MEIS1: variants seen among roughly 807,000 people sequenced by gnomAD.
MEIS1 encodes the protein homeobox protein Meis1.
In MEIS1, 5 loss-of-function variants were observed where a neutral mutation model predicts 50.8. The observed-to-expected ratio is 0.10, with a 90% CI of 0.05 to 0.21. The LOEUF (loss-of-function observed/expected upper bound fraction) is 0.21. MEIS1 is among the 10% of genes least tolerant of loss of function. The probability of loss-of-function intolerance (pLI) is 1.00; values close to 1 mark genes in which losing one functional copy is unlikely to be tolerated. For synonymous variants in MEIS1, 176 were observed against 179.3 expected (o/e 0.98, Z 0.15); for missense variants, 318 against 517.3 (o/e 0.61, Z 3.74).
At chr2:66,509,800 G>C (rs1673780188) in intron 7 of MEIS1, among the ~76,000 whole-genome samples, 1 of 152,196 alleles carries the variant, frequency 6.6e-6, no homozygotes, top group South Asian at 2.1e-4. Context: ...GTAATGGGAA[G>C]CTAAGGTTGC....
intron 8 of MEIS1, among the ~76,000 whole-genome samples, chr2:66,542,304 G>A (rs1345482612): frequency 6.6e-6 from 1 of 151,852 alleles, no homozygotes; most frequent in Non-Finnish European, 1.5e-5. Context: ...TCTTTAAAGG[G>A]AGTATCTCCC....
chr2:66,569,795 T>G (rs1675439454), intron 12 of MEIS1: 1 of 152,750 alleles, frequency 6.5e-6, no homozygotes, highest in Admixed American at 6.5e-5. Flanking sequence ...ATATCCAAAT[T>G]AAGTATGCCA....
chr2:66,445,160 T>C (rs1018856344), intron 6 of MEIS1: 3 of 152,244 alleles, frequency 2.0e-5, no homozygotes, highest in African/African-American at 7.2e-5. Context: ...ATCTGACTTC[T>C]GGTCCCCGCT....
At chr2:66,440,815 G>A (rs1179467880) in intron 4 of MEIS1, 2 of 576,152 alleles carry the variant, frequency 3.5e-6, no homozygotes, top group Non-Finnish European at 3.1e-6. Context: ...GGGGCCGGGC[G>A]AGCCAGCGCG....
chr2:66,499,867 T>C (rs1042508236), intron 7 of MEIS1, among the ~76,000 whole-genome samples: 1 of 152,198 alleles, frequency 6.6e-6, no homozygotes, highest in Non-Finnish European at 1.5e-5. Context: ...CATATCTGAT[T>C]ATAACACTTA....
At chr2:66,488,824 T>A (rs1282590538) in intron 7 of MEIS1, among the ~76,000 whole-genome samples, 1 of 152,202 alleles carries the variant, frequency 6.6e-6, no homozygotes, top group Non-Finnish European at 1.5e-5. Context: ...TATTGGCTAG[T>A]GAAAATTTCA....
chr2:66,493,704 G>T (rs1307751677), intron 7 of MEIS1, among the ~76,000 whole-genome samples: 3 of 152,008 alleles, frequency 2.0e-5, no homozygotes, highest in Admixed American at 6.5e-5. Flanking sequence ...CTAACTGTCT[G>T]ACTCCACCTT....
intron 10 of MEIS1, chr2:66,567,799 T>TC (rs1675387695): frequency 3.4e-6 from 2 of 592,590 alleles, no homozygotes; most frequent in South Asian, 2.1e-5. Flanking sequence ...TTATTTTTTT[T>TC]CTGAGTTTGC....
At chr2:66,492,325 C>T (rs1228365752) in intron 7 of MEIS1, among the ~76,000 whole-genome samples, 1 of 152,034 alleles carries the variant, frequency 6.6e-6, no homozygotes, top group Non-Finnish European at 1.5e-5. Context: ...AATGTGCCTG[C>T]AGATTGTTTG....
intron 6 of MEIS1, among the ~76,000 whole-genome samples, chr2:66,455,375 T>C (rs1256547418): frequency 6.6e-6 from 1 of 152,198 alleles, no homozygotes; most frequent in Non-Finnish European, 1.5e-5. Context: ...AGGGTCACCA[T>C]GGGATGATGT....
At chr2:66,527,129 CAAGT>C (rs888203404) in intron 8 of MEIS1, among the ~76,000 whole-genome samples, 6 of 152,298 alleles carry the variant, frequency 3.9e-5, no homozygotes, top group East Asian at 1.9e-4. Flanking sequence ...AGACAGCAAG[CAAGT>C]ATCCTATTTT....
intron 7 of MEIS1, among the ~76,000 whole-genome samples, chr2:66,488,828 A>T (rs1673202872): frequency 1.3e-5 from 2 of 152,238 alleles, no homozygotes; most frequent in South Asian, 4.1e-4. Flanking sequence ...GGCTAGTGAA[A>T]ATTTCAGCAA....
intron 7 of MEIS1, among the ~76,000 whole-genome samples, 170 bp from the exon 8 acceptor site, chr2:66,511,979 C>T (rs1673842516): frequency 6.6e-6 from 1 of 152,112 alleles, no homozygotes; most frequent in Non-Finnish European, 1.5e-5. Flanking sequence ...TGAGCCTAGG[C>T]CTTGTTCTTT....
At chr2:66,487,085 T>C (rs1049446845) in intron 7 of MEIS1, among the ~76,000 whole-genome samples, 3 of 152,232 alleles carry the variant, frequency 2.0e-5, no homozygotes, top group African/African-American at 7.2e-5. Context: ...ATACCCTTTA[T>C]TTCTTTCTCT....
intron 7 of MEIS1, among the ~76,000 whole-genome samples, chr2:66,469,574 A>G (rs1264549119): frequency 6.6e-6 from 1 of 152,208 alleles, no homozygotes; most frequent in Admixed American, 6.5e-5. Context: ...GGCATTTGAA[A>G]CAGTCAGCTG....
At chr2:66,510,624 T>G (rs113249015) in intron 7 of MEIS1, among the ~76,000 whole-genome samples, 1,684 of 152,306 alleles carry the variant, frequency 0.011, 36 homozygotes, top group African/African-American at 0.038. Context: ...GTAGAAATGT[T>G]GGAATTAGTT....
At chr2:66,539,448 A>G (rs575012964) in intron 8 of MEIS1, among the ~76,000 whole-genome samples, 1 of 152,190 alleles carries the variant, frequency 6.6e-6, no homozygotes, top group Non-Finnish European at 1.5e-5. Context: ...TTCTTCACCT[A>G]TTATATAAAA....
chr2:66,527,948 C>T (rs1674297948), intron 8 of MEIS1, among the ~76,000 whole-genome samples: 1 of 152,044 alleles, frequency 6.6e-6, no homozygotes, highest in Non-Finnish European at 1.5e-5. Flanking sequence ...ACATCCGGAA[C>T]GTTCTATGAT....
At chr2:66,493,863 T>C (rs568519750) in intron 7 of MEIS1, among the ~76,000 whole-genome samples, 28 of 152,192 alleles carry the variant, frequency 1.8e-4, no homozygotes, top group Admixed American at 1.8e-3. Flanking sequence ...TTACTCTGAG[T>C]GACCCATGCA....
Sources: gnomAD v4.1 joint callset for allele counts (sites outside exome capture counted in the v4.1 genomes callset) on GRCh38, gnomAD v4.1.1 for gene constraint, MANE v1.5 for transcripts, NCBI Gene and HGNC (gene_info 2026-07-23, HGNC 2026-07-21) for gene names.